Variants in CRACD observed in about 807,000 individuals in gnomAD.
CRACD encodes the protein capping protein-inhibiting regulator of actin dynamics.
Under a neutral mutation model 106.8 loss-of-function variants are expected in CRACD, and 56 were observed. The ratio of observed to expected loss-of-function variants is 0.52; its 90% CI spans 0.42 to 0.66. CRACD has a LOEUF of 0.66. Among genes scored for constraint, CRACD ranks in the 30% least tolerant of loss-of-function variants. The pLI is 0.00. For missense variants in CRACD, 1,730 were observed against 1,623.2 expected, an observed-to-expected ratio of 1.07 and a Z score of -1.13; for synonymous variants, 754 against 670.8, an observed-to-expected ratio of 1.12 and a Z score of -1.92.
chr4:56,314,205 T>A lies in CRACD; in HGVS notation c.703T>A (p.Cys235Ser). Residue 235 changes from cysteine (C) to serine (S), a missense_variant, in exon 8 of 11, where the codon TGC (cysteine) becomes AGC (serine). Physicochemically the swap from Cys to Ser is moderately radical, Grantham distance 112. Around this residue, in one of 5 missense-constraint regions of CRACD, gnomAD observed 1,620 missense variants for 1,481.6 expected, o/e 1.09. Coordinates refer to ENST00000682029, the MANE Select transcript of CRACD (RefSeq NM_001393381.1). The surrounding 1 kb of genome is among the most constrained non-coding windows in gnomAD (Gnocchi z 4.4). Reference protein sequence around the residue: ...EDYWRELEAKCKRQKAEAAEK... With the variant: ...EDYWRELEAKSKRQKAEAAEK... The stretch of plus-strand genomic sequence containing the variant: ...CTACTGGCGAGAACTGGAGGCCAAG[T>A]GCAAGCGGCAAAAGGCGGAAGCAGC... 6.2e-7 allele frequency: 1 copy of A among 1,610,750 alleles called. No homozygotes were observed. The highest frequency in any genetic ancestry group is 8.5e-7 in the Non-Finnish European group (1 of 1,178,518).
intron 1 of CRACD, among the ~76,000 whole-genome samples, chr4:56,068,082 T>C (rs760862884): frequency 3.3e-5 from 5 of 151,530 alleles, no homozygotes; most frequent in Non-Finnish European, 5.9e-5. Context: ...TGGCCCAGAG[T>C]TGGGGAAAGA....
At chr4:56,210,087 G>T (rs1472678858) in intron 2 of CRACD, among the ~76,000 whole-genome samples, 1 of 152,152 alleles carries the variant, frequency 6.6e-6, no homozygotes, top group Non-Finnish European at 1.5e-5. Context: ...CTGAGAACGT[G>T]TTTCCAGACT....
chr4:56,316,343 G>T lies in CRACD; in HGVS notation c.2841G>T (p.Glu947Asp), dbSNP rs766021759. Residue 947 changes from glutamate to aspartate, a missense_variant, in exon 8 of 11, where the codon GAG becomes GAT. Around this residue, in one of 5 missense-constraint regions of CRACD, gnomAD observed 1,620 missense variants for 1,481.6 expected, o/e 1.09. Coordinates refer to ENST00000682029, the MANE Select transcript of CRACD (RefSeq NM_001393381.1). Reference sequence around the variant, plus strand: ...CCAGCAGCCAGACCCCGGCTCCGGAGCACGACAAGGCAGCAAACAAAATGC... The same window carrying T: ...CCAGCAGCCAGACCCCGGCTCCGGATCACGACAAGGCAGCAAACAAAATGC... The part of the protein sequence containing the change: ...PPASSQTPAP[E>D]HDKAANKMPL... 6 of 1,613,942 alleles carry T rather than the reference G, an allele frequency of 3.7e-6. No individual in the cohort carries two copies. Among genetic ancestry groups the T allele is most frequent in the Non-Finnish European group, 5.1e-6 (6 of 1,179,930 alleles).
At chr4:56,111,407 T>C (rs1286736730) in intron 1 of CRACD, among the ~76,000 whole-genome samples, 1 of 152,180 alleles carries the variant, frequency 6.6e-6, no homozygotes, top group Non-Finnish European at 1.5e-5. Context: ...ATGAGCCATA[T>C]AGAACTACTT....
In CRACD at chr4:56,314,835, T is replaced by A; in HGVS notation, c.1333T>A (p.Ser445Thr). The A allele has an allele frequency of 6.2e-7, 1 of 1,610,782 alleles. No individual in the cohort carries two copies. The highest frequency in any genetic ancestry group is 8.5e-7 in the Non-Finnish European group (1 of 1,179,194). The change falls in exon 8 of 11, where the codon TCC (serine) becomes ACC (threonine). Residue 445 changes from serine to threonine, a missense_variant. Transcript: ENST00000682029. This position sits in a 1 kb window ranked among gnomAD's most constrained non-coding sequence, Gnocchi z 4.4. ...RLKPEGQREH[S>T]EEPGICEEQN... ...GAAACCCGAAGGACAAAGAGAACACTCCGAGGAGCCAGGTATTTGCGAGGA... is the reference window on the plus strand; with the variant it reads ...GAAACCCGAAGGACAAAGAGAACACACCGAGGAGCCAGGTATTTGCGAGGA...
chr4:56,176,959 T>C (rs868508718), intron 1 of CRACD, among the ~76,000 whole-genome samples: 19 of 152,340 alleles, frequency 1.2e-4, no homozygotes, highest in Middle Eastern at 6.8e-3. Flanking sequence ...CAGTTTTTTT[T>C]AGAGCCTTTA....
At chr4:56,065,577 A>C (rs1732438235) in intron 1 of CRACD, among the ~76,000 whole-genome samples, 1 of 152,144 alleles carries the variant, frequency 6.6e-6, no homozygotes, top group African/African-American at 2.4e-5. Context: ...ATACCACTTC[A>C]ACTTCAGCTA....
intron 1 of CRACD, among the ~76,000 whole-genome samples, chr4:56,082,865 G>A (rs533453452): frequency 1.1e-4 from 16 of 152,176 alleles, no homozygotes; most frequent in Non-Finnish European, 2.2e-4. Context: ...ATGTATAGTT[G>A]TTTCCATAAG....
At chr4:56,071,899 G>T (rs1732664884) in intron 1 of CRACD, among the ~76,000 whole-genome samples, 1 of 151,726 alleles carries the variant, frequency 6.6e-6, no homozygotes, top group South Asian at 2.1e-4. Flanking sequence ...AGGCCGAGGC[G>T]GGCGGATCAT....
intron 1 of CRACD, among the ~76,000 whole-genome samples, chr4:56,162,690 T>C (rs1249664355): frequency 6.6e-6 from 1 of 152,224 alleles, no homozygotes; most frequent in Non-Finnish European, 1.5e-5. Flanking sequence ...GCCTGCCTTG[T>C]CCAAGGTTTT....
intron 4 of CRACD, among the ~76,000 whole-genome samples, chr4:56,298,819 G>A (rs1744200617): frequency 6.6e-6 from 1 of 152,126 alleles, no homozygotes; most frequent in South Asian, 2.1e-4. Context: ...TGTAATCCCA[G>A]CTACAAGGGA....
rs1577903278 is a variant in CRACD, at chr4:56,314,807, C to T, written c.1305C>T (p.Arg435=). 6.2e-7 allele frequency: 1 copy of T among 1,606,530 alleles called. No homozygotes were observed. Among genetic ancestry groups the T allele is most frequent in the Non-Finnish European group, 8.5e-7 (1 of 1,177,662 alleles). Residue 435 remains arginine, a synonymous_variant, in exon 8 of 11, where the codon CGC becomes CGT. Coordinates refer to ENST00000682029, the MANE Select transcript of CRACD (RefSeq NM_001393381.1). This position sits in a 1 kb window ranked among gnomAD's most constrained non-coding sequence, Gnocchi z 4.4. ...AGGAGAGGCTCGAAGACCAGGAACG[C>T]CTGAAACCCGAAGGACAAAGAGAAC... ...DFEERLEDQE[R]LKPEGQREHS...
intron 1 of CRACD, among the ~76,000 whole-genome samples, chr4:56,092,675 C>T (rs76516066): frequency 2.0e-5 from 3 of 152,000 alleles, no homozygotes; most frequent in East Asian, 1.9e-4. Context: ...GATCATACAT[C>T]GTTGTAGCCT....
intron 2 of CRACD, among the ~76,000 whole-genome samples, chr4:56,211,217 G>A (rs1395156144): frequency 6.6e-6 from 1 of 152,164 alleles, no homozygotes; most frequent in Non-Finnish European, 1.5e-5. Context: ...TATGTCAGAG[G>A]CATTTGGACC....
At chr4:56,075,574 A>G (rs934315442) in intron 1 of CRACD, among the ~76,000 whole-genome samples, 1 of 151,960 alleles carries the variant, frequency 6.6e-6, no homozygotes, top group Non-Finnish European at 1.5e-5. Flanking sequence ...AGACATTTTC[A>G]TCACCCTAAA....
intron 1 of CRACD, among the ~76,000 whole-genome samples, chr4:56,128,129 G>T (rs557481756): frequency 2.7e-4 from 41 of 152,230 alleles, no homozygotes; most frequent in African/African-American, 9.4e-4. Context: ...GTGCTTGAAT[G>T]AATGTGTGTG....
chr4:56,268,349 G>A (rs1212216904), intron 2 of CRACD, among the ~76,000 whole-genome samples: 1 of 151,936 alleles, frequency 6.6e-6, no homozygotes, highest in Admixed American at 6.6e-5. Context: ...GACCCAGGCT[G>A]GGATAATGAT....
intron 1 of CRACD, among the ~76,000 whole-genome samples, chr4:56,138,070 A>ATC (rs539472930): frequency 2.0e-4 from 30 of 151,124 alleles, no homozygotes; most frequent in African/African-American, 7.1e-4. Context: ...ACATTGACCA[A>ATC]CCCCCCCACC....
chr4:56,085,898 T>C (rs573355181), intron 1 of CRACD, among the ~76,000 whole-genome samples: 1 of 152,342 alleles, frequency 6.6e-6, no homozygotes, highest in South Asian at 2.1e-4. Flanking sequence ...CCCTTAGATT[T>C]TTAATATTAT....
Sources: gnomAD v4.1 joint callset for allele counts (sites outside exome capture counted in the v4.1 genomes callset) on GRCh38, gnomAD v4.1.1 for gene constraint, gnomAD v4.1.1 regional missense constraint, Gnocchi (gnomAD v3.1) non-coding constraint, MANE v1.5 for transcripts, NCBI Gene and HGNC (gene_info 2026-07-23, HGNC 2026-07-21) for gene names.